The following RIMS1 variants were observed in gnomAD, a reference collection of about 807,000 sequenced individuals.
The protein encoded by RIMS1 is regulating synaptic membrane exocytosis protein 1.
Under a neutral mutation model 214.1 loss-of-function variants are expected in RIMS1, and 83 were observed. The observed-to-expected ratio is 0.39, with a 90% confidence interval of 0.32 to 0.47. RIMS1 has a LOEUF of 0.47. Among genes scored for constraint, RIMS1 ranks in the 20% least tolerant of loss-of-function variants. RIMS1 has a pLI of 0.99. For synonymous variants in RIMS1, 793 were observed against 786.8 expected (o/e 1.01, Z -0.13); for missense variants, 2,050 against 2,161.8 (o/e 0.95, Z 1.03).
intron 24 of RIMS1, among the ~76,000 whole-genome samples, chr6:72,284,818 T>C (rs1169575739): frequency 6.6e-6 from 1 of 152,164 alleles, no homozygotes; most frequent in African/African-American, 2.4e-5. Flanking sequence ...TATATTCAAG[T>C]ATCATAGCTT....
chr6:72,145,859 T>C (rs1319497509), intron 4 of RIMS1, among the ~76,000 whole-genome samples: 2 of 152,210 alleles, frequency 1.3e-5, no homozygotes, highest in African/African-American at 2.4e-5. Flanking sequence ...TGGATTCTTA[T>C]TGCACTTATG....
At chr6:72,219,904 C>A (rs940740244) in intron 6 of RIMS1, among the ~76,000 whole-genome samples, 4 of 151,786 alleles carry the variant, frequency 2.6e-5, no homozygotes, top group African/African-American at 9.7e-5. Context: ...TCCTATTTAG[C>A]ATATATCTGA....
intron 2 of RIMS1, among the ~76,000 whole-genome samples, chr6:72,058,329 C>T (rs1826911323): frequency 6.6e-6 from 1 of 152,184 alleles, no homozygotes; most frequent in African/African-American, 2.4e-5. Flanking sequence ...AGATGACACC[C>T]ATCTTTATCA....
At chr6:72,011,732 C>T (rs1329128587) in intron 2 of RIMS1, among the ~76,000 whole-genome samples, 2 of 152,168 alleles carry the variant, frequency 1.3e-5, no homozygotes, top group Non-Finnish European at 2.9e-5. Context: ...TGAAAAAATG[C>T]TCACCATCAC....
At chr6:72,079,992 T>A (rs1586490099) in intron 2 of RIMS1, among the ~76,000 whole-genome samples, 1 of 143,812 alleles carries the variant, frequency 7.0e-6, no homozygotes, top group African/African-American at 2.6e-5. Context: ...ATGCCAACAC[T>A]TTGGGAGGCT....
At chr6:71,985,100 A>G (rs1799556288) in intron 2 of RIMS1, among the ~76,000 whole-genome samples, 1 of 152,212 alleles carries the variant, frequency 6.6e-6, no homozygotes, top group South Asian at 2.1e-4. Flanking sequence ...AAACTGAATT[A>G]TGACTGGGCA....
At chr6:72,054,898 T>C (rs1825748405) in intron 2 of RIMS1, among the ~76,000 whole-genome samples, 1 of 152,220 alleles carries the variant, frequency 6.6e-6, no homozygotes, top group Non-Finnish European at 1.5e-5. Flanking sequence ...TGATGGTAGT[T>C]CTTTTGCTGT....
chr6:72,326,114 T>G (rs2096454992), intron 28 of RIMS1, among the ~76,000 whole-genome samples: 2 of 151,918 alleles, frequency 1.3e-5, no homozygotes, highest in Admixed American at 6.6e-5. Flanking sequence ...TATTATTCTT[T>G]ATACTACTTG....
At chr6:72,303,983 A>G (rs1363354406) in intron 26 of RIMS1, among the ~76,000 whole-genome samples, 1 of 151,530 alleles carries the variant, frequency 6.6e-6, no homozygotes, top group African/African-American at 2.4e-5. Context: ...TTATCTTTCG[A>G]CTTTATTATA....
intron 29 of RIMS1, among the ~76,000 whole-genome samples, chr6:72,356,165 A>G (rs1239407565): frequency 6.6e-6 from 1 of 152,208 alleles, no homozygotes; most frequent in Non-Finnish European, 1.5e-5. Context: ...CCTTAACGGT[A>G]TCTTTAGAAC....
intron 2 of RIMS1, among the ~76,000 whole-genome samples, chr6:72,031,392 A>AT (rs1248059273): frequency 6.6e-6 from 1 of 152,134 alleles, no homozygotes; most frequent in East Asian, 1.9e-4. Flanking sequence ...CCAAGAAAGC[A>AT]TTTTCATTTA....
chr6:72,152,831 TATATATGTATATATGGA>T (rs1173989262), intron 4 of RIMS1, among the ~76,000 whole-genome samples: 11 of 43,558 alleles, frequency 2.5e-4, no homozygotes, highest in African/African-American at 1.5e-3. Context: ...AATATATGTA[TATATATGTATATATGGA>T]ATATATGTAT....
At chr6:72,360,277 T>C (rs1013166830) in intron 29 of RIMS1, among the ~76,000 whole-genome samples, 12 of 152,246 alleles carry the variant, frequency 7.9e-5, no homozygotes, top group African/African-American at 2.7e-4. Context: ...ACCCTCTGAA[T>C]AATCATAGTT....
intron 2 of RIMS1, among the ~76,000 whole-genome samples, chr6:72,004,020 TC>T (rs1186764361): frequency 1.4e-4 from 10 of 70,642 alleles, no homozygotes; most frequent in Admixed American, 2.1e-4. Context: ...CCCTCCCCCC[TC>T]CCCCCACCCC....
At chr6:72,006,870 C>T (rs1378300530) in intron 2 of RIMS1, among the ~76,000 whole-genome samples, 1 of 152,190 alleles carries the variant, frequency 6.6e-6, no homozygotes, top group Admixed American at 6.5e-5. Flanking sequence ...AGGAGGTCTG[C>T]CTGCCTTTGT....
intron 22 of RIMS1, among the ~76,000 whole-genome samples, chr6:72,266,644 G>A (rs1029171729): frequency 5.9e-5 from 9 of 151,988 alleles, no homozygotes; most frequent in Non-Finnish European, 5.9e-5. Flanking sequence ...ACATATATAT[G>A]TACACAGACA....
chr6:71,998,564 G>A (rs747608157), intron 2 of RIMS1, among the ~76,000 whole-genome samples: 4 of 152,144 alleles, frequency 2.6e-5, no homozygotes, highest in African/African-American at 4.8e-5. Flanking sequence ...TGCCTAGTAA[G>A]TTGTTGTTGC....
intron 2 of RIMS1, among the ~76,000 whole-genome samples, chr6:72,095,409 T>C (rs1261420513): frequency 6.6e-6 from 1 of 152,232 alleles, no homozygotes; most frequent in East Asian, 1.9e-4. Context: ...AAGTTCAGTG[T>C]ATCAAATAAC....
At chr6:72,023,202 T>TA (rs1462592603) in intron 2 of RIMS1, among the ~76,000 whole-genome samples, 1 of 152,216 alleles carries the variant, frequency 6.6e-6, no homozygotes, top group Non-Finnish European at 1.5e-5. Context: ...AAGACTCATT[T>TA]ACACTCTGAA....
Sources: gnomAD v4.1 joint callset for allele counts (sites outside exome capture counted in the v4.1 genomes callset) on GRCh38, gnomAD v4.1.1 for gene constraint, MANE v1.5 for transcripts, NCBI Gene and HGNC (gene_info 2026-07-23, HGNC 2026-07-21) for gene names.